The following TGFBR2 variants were observed in gnomAD, a reference collection of about 807,000 sequenced individuals.
The protein encoded by TGFBR2 is transforming growth factor beta receptor 2.
Under a neutral mutation model 49.0 loss-of-function variants are expected in TGFBR2, and 18 were observed. That is an observed-to-expected ratio of 0.37 (90% confidence interval 0.25 to 0.54). TGFBR2 has a LOEUF of 0.54. TGFBR2 is among the 20% of genes least tolerant of loss of function. The pLI, the probability that TGFBR2 is intolerant of heterozygous loss-of-function variation, is 0.85. For missense variants in TGFBR2, 525 were observed against 722.6 expected, an observed-to-expected ratio of 0.73 and a Z score of 3.13; for synonymous variants, 282 against 275.9, an observed-to-expected ratio of 1.02 and a Z score of -0.22.
At chr3:30,611,514 G>A (rs540810073) in intron 1 of TGFBR2, among the ~76,000 whole-genome samples, 2 of 151,558 alleles carry the variant, frequency 1.3e-5, no homozygotes, top group South Asian at 4.2e-4. Context: ...TCAGTGTAGG[G>A]CCTTGAAAGC....
At chr3:30,645,033 C>T in intron 2 of TGFBR2, 118 bp downstream of exon 2, 1 of 957,936 alleles carries the variant, frequency 1.0e-6, no homozygotes, top group Non-Finnish European at 1.6e-6. Flanking sequence ...TTCCATTTCC[C>T]TTTCCTTTAG....
At position 30,691,595 on chromosome 3, in the gene TGFBR2, A is replaced by C. The variant is rs772782677; in HGVS notation, c.1700A>C (p.Lys567Thr). Residue 567 changes from lysine to threonine, a missense_variant, in exon 7 of 7, where the codon AAA becomes ACA. Transcript: ENST00000295754. ...GAAGACGGCTCCCTAAACACTACCAAATAGCTCTTCTGGGGCAGGCTGGGC... is the reference window on the plus strand; with the variant it reads ...GAAGACGGCTCCCTAAACACTACCACATAGCTCTTCTGGGGCAGGCTGGGC... ...IPEDGSLNTT[K>T] 1 of 1,613,898 alleles carries C rather than the reference A, an allele frequency of 6.2e-7. No homozygotes were observed. Among genetic ancestry groups the C allele is most frequent in the East Asian group, 2.2e-5 (1 of 44,840 alleles).
At chr3:30,669,966 A>G (rs1699311136) in intron 3 of TGFBR2, among the ~76,000 whole-genome samples, 1 of 152,102 alleles carries the variant, frequency 6.6e-6, no homozygotes, top group Non-Finnish European at 1.5e-5. Context: ...TACCTGGACT[A>G]TATTCTCATC....
intron 1 of TGFBR2, among the ~76,000 whole-genome samples, chr3:30,613,316 G>A (rs1224813949): frequency 6.6e-6 from 1 of 151,942 alleles, no homozygotes; most frequent in Non-Finnish European, 1.5e-5. Context: ...TGACTTTTGG[G>A]CCTTCCAGTC....
intron 3 of TGFBR2, among the ~76,000 whole-genome samples, chr3:30,657,106 G>A (rs1167341980): frequency 6.6e-6 from 1 of 152,174 alleles, no homozygotes; most frequent in Non-Finnish European, 1.5e-5. Flanking sequence ...AGATCTCATA[G>A]TTTGTTCCTC....
intron 3 of TGFBR2, among the ~76,000 whole-genome samples, chr3:30,661,075 A>T (rs1323253292): frequency 6.6e-6 from 1 of 152,194 alleles, no homozygotes; most frequent in African/African-American, 2.4e-5. Flanking sequence ...GAAATAACTT[A>T]AGAAATGTAC....
At chr3:30,668,549 C>T (rs1699282398) in intron 3 of TGFBR2, among the ~76,000 whole-genome samples, 1 of 152,088 alleles carries the variant, frequency 6.6e-6, no homozygotes, top group South Asian at 2.1e-4. Flanking sequence ...TGCTGTACAA[C>T]AGGGACAGTC....
chr3:30,656,365 T>C (rs1334754699), intron 3 of TGFBR2, among the ~76,000 whole-genome samples: 2 of 152,234 alleles, frequency 1.3e-5, no homozygotes, highest in Admixed American at 6.5e-5. Flanking sequence ...CATGTTAGTT[T>C]ATTGTATTTG....
Position 30,667,354 on chromosome 3 carries a change from G to A in TGFBR2, c.455-4284G>A, listed in dbSNP as rs373500462. Reference sequence around the variant, plus strand: ...TTGGGTTTTCTAGTAGCAACCCAAGGGTTAATACTGCCAGAGGGTGTGGGT... The same window carrying A: ...TTGGGTTTTCTAGTAGCAACCCAAGAGTTAATACTGCCAGAGGGTGTGGGT... On this transcript the variant is annotated intron_variant, in intron 3 of 6. Transcript: ENST00000295754. Among the ~76,000 whole-genome samples, 11 of 152,270 alleles carry A rather than the reference G, an allele frequency of 7.2e-5. No homozygotes were observed. In the East Asian group the frequency reaches 1.4e-3, roughly 19 times the overall value.
At chr3:30,629,146 T>C (rs1302672808) in intron 1 of TGFBR2, among the ~76,000 whole-genome samples, 1 of 152,242 alleles carries the variant, frequency 6.6e-6, no homozygotes, top group Non-Finnish European at 1.5e-5. Flanking sequence ...TAGGACTTTC[T>C]GCAATGATGA....
chr3:30,631,197 A>T (rs113176029), intron 1 of TGFBR2, among the ~76,000 whole-genome samples: 7,347 of 151,930 alleles, frequency 0.048, 348 homozygotes, highest in East Asian at 0.26. Flanking sequence ...CGCACCATCA[A>T]GCCCTAGCTA....
intron 5 of TGFBR2, among the ~76,000 whole-genome samples, chr3:30,686,958 T>C (rs1699633132): frequency 6.6e-6 from 1 of 152,208 alleles, no homozygotes; most frequent in Non-Finnish European, 1.5e-5. Flanking sequence ...GTTGACAGCC[T>C]GTTGGCATGG....
chr3:30,638,301 A>C (rs371787770), intron 1 of TGFBR2, among the ~76,000 whole-genome samples: 27 of 152,326 alleles, frequency 1.8e-4, no homozygotes, highest in African/African-American at 6.3e-4. Context: ...TTTCACAGAG[A>C]TTTTAGAGTA....
intron 1 of TGFBR2, among the ~76,000 whole-genome samples, chr3:30,624,773 A>G (rs995550098): frequency 6.6e-6 from 1 of 152,094 alleles, no homozygotes; most frequent in African/African-American, 2.4e-5. Context: ...GTTTTATTTA[A>G]TTTTTCTTGA....
intron 5 of TGFBR2, among the ~76,000 whole-genome samples, chr3:30,682,954 T>A (rs9836520): frequency 0.02 from 3,037 of 152,178 alleles, 97 homozygotes; most frequent in African/African-American, 0.07. Context: ...AGGGGAGAAA[T>A]CTCTGCAATG....
intron 1 of TGFBR2, among the ~76,000 whole-genome samples, chr3:30,610,999 T>G (rs1393234365): frequency 6.6e-6 from 1 of 152,238 alleles, no homozygotes; most frequent in Admixed American, 6.5e-5. Context: ...GTAGTTCAAG[T>G]GTCATCTTCT....
rs1047733787 is a variant in TGFBR2 at position 30,691,382 on chromosome 3, C to G, written c.1525-38C>G. The G allele has an allele frequency of 1.9e-6, 3 of 1,612,236 alleles. No homozygotes were observed. In the African/African-American group the frequency reaches 4.0e-5, roughly 22 times the overall value. On this transcript the variant is annotated intron_variant, in intron 6 of 6. Coordinates refer to ENST00000295754, the MANE Select transcript of TGFBR2 (RefSeq NM_003242.6). ...CCACCTTGCCTTCCGCGGAGCCCAC[C>G]AACTCATGGTGCCCTTTGGATCTCT...
chr3:30,644,530 C>T (rs1408304734), intron 1 of TGFBR2, among the ~76,000 whole-genome samples: 1 of 152,120 alleles, frequency 6.6e-6, no homozygotes. Flanking sequence ...CTCAACCACC[C>T]CAACCCCTCA....
chr3:30,636,812 C>A (rs996150490), intron 1 of TGFBR2, among the ~76,000 whole-genome samples: 2 of 150,622 alleles, frequency 1.3e-5, no homozygotes, highest in Non-Finnish European at 3.0e-5. Context: ...AGCCTGTAAT[C>A]CCAGCACTTT....
Sources: allele counts gnomAD v4.1 joint callset (sites outside exome capture counted in the v4.1 genomes callset), GRCh38; gene constraint gnomAD v4.1.1; transcripts MANE v1.5; gene names NCBI Gene and HGNC (gene_info 2026-07-23, HGNC 2026-07-21).